Variants in TNPO3 observed in about 807,000 individuals in gnomAD.
TNPO3 encodes the protein transportin-3.
TNPO3 carries 65 observed loss-of-function variants against 122.8 expected under a neutral mutation model. The observed-to-expected ratio is 0.53, with a 90% CI of 0.43 to 0.65. TNPO3 has a LOEUF of 0.65. Among genes scored for constraint, TNPO3 ranks in the 30% least tolerant of loss-of-function variants. TNPO3 has a pLI of 0.00. For synonymous variants in TNPO3, 372 were observed against 411.2 expected (o/e 0.90, Z 1.15); for missense variants, 850 against 1,136.7 (o/e 0.75, Z 3.63).
chr7:129,054,592 G>C, intron 1 of TNPO3, 59 bp downstream of exon 1: 2 of 1,603,244 alleles, frequency 1.2e-6, no homozygotes, highest in Non-Finnish European at 1.7e-6. Flanking sequence ...CTCCCCCGGA[G>C]CCTAGGTTCC....
Position 128,995,900 on chromosome 7 carries a change from C to T in TNPO3, c.1158+1489G>A, listed in dbSNP as rs187819875. Reference sequence around the variant, plus strand: ...TTTTAGTAGAGACGGGGTTTTGCCACGTTGGCCAGGCCGGTCTCAAATTCC... The same window carrying T: ...TTTTAGTAGAGACGGGGTTTTGCCATGTTGGCCAGGCCGGTCTCAAATTCC... On this transcript the variant is annotated intron_variant, in intron 8 of 22. Coordinates refer to ENST00000265388, the MANE Select transcript of TNPO3 (RefSeq NM_012470.4). 2.2e-3 allele frequency among the ~76,000 whole-genome samples: 342 copies of T among 152,210 alleles called. 1 individual carries two copies. The highest frequency in any genetic ancestry group is 3.6e-3 in the Non-Finnish European group (242 of 68,016).
At chr7:129,023,073 T>G (rs1436919356) in intron 1 of TNPO3, among the ~76,000 whole-genome samples, 1 of 152,150 alleles carries the variant, frequency 6.6e-6, no homozygotes, top group African/African-American at 2.4e-5. Flanking sequence ...ATACTGATAG[T>G]AGTAGTGTTA....
intron 21 of TNPO3, among the ~76,000 whole-genome samples, chr7:128,963,104 A>C (rs1359078131): frequency 2.6e-5 from 4 of 152,194 alleles, no homozygotes; most frequent in Non-Finnish European, 1.5e-5. Context: ...AGGAGAAAGG[A>C]GTTAACATTC....
chr7:128,955,929 T>G (rs1432083064), intron 22 of TNPO3, among the ~76,000 whole-genome samples: 1 of 152,236 alleles, frequency 6.6e-6, no homozygotes, highest in African/African-American at 2.4e-5. Flanking sequence ...TTAAACATTG[T>G]TGAACCTCAA....
rs1161365253 is a variant in TNPO3, at chr7:128,995,658, T to C, written c.1158+1731A>G. Among the ~76,000 whole-genome samples, 3 of 152,150 alleles carry C rather than the reference T, an allele frequency of 2.0e-5. No individual in the cohort carries two copies. The East Asian group carries it at 5.8e-4, about 29-fold the overall frequency. The stretch of plus-strand genomic sequence containing the variant: ...AACCAAAGGGGCCCTGCTTTATAAA[T>C]CAGGCTTCCAAGTAAAATGTGGTTG... On this transcript the variant is annotated intron_variant, in intron 8 of 22. Coordinates refer to ENST00000265388, the MANE Select transcript of TNPO3 (RefSeq NM_012470.4).
At position 128,974,653 on chromosome 7, in the gene TNPO3, G is replaced by A. The variant is rs529029042; in HGVS notation, c.2273+215C>T. Among the ~76,000 whole-genome samples the A allele has an allele frequency of 2.6e-5, 4 of 152,180 alleles. No individual in the cohort carries two copies. The South Asian group carries it at 8.3e-4, about 32-fold the overall frequency. On this transcript the variant is annotated intron_variant, in intron 18 of 22. Coordinates refer to ENST00000265388, the MANE Select transcript of TNPO3 (RefSeq NM_012470.4). The stretch of plus-strand genomic sequence containing the variant: ...GTCTTGTGTGTGAGCCCTCCTTCCT[G>A]GCAGGAACTCAGCTCCTTTATCCCT...
In TNPO3 at chr7:128,986,742, C is replaced by T. The variant is rs1400336917; in HGVS notation, c.1677G>A (p.Val559=). The change falls in exon 12 of 23, where the codon GTG becomes GTA. Residue 559 remains valine, a synonymous_variant. Transcript: ENST00000265388. The part of the protein sequence containing the change: ...DSFLLSPEAA[V]GLLKGTALVL... The stretch of plus-strand genomic sequence containing the variant: ...TCAAGTGAGTACCTTTTAGCAAGCC[C>T]ACAGCAGCTTCTGGAGACAACAGGA... The T allele has an allele frequency of 1.2e-6, 2 of 1,612,564 alleles. No homozygotes were observed. The highest frequency in any genetic ancestry group is 1.1e-5 in the South Asian group (1 of 90,816).
intron 14 of TNPO3, 47 bp from the exon 15 acceptor site, chr7:128,980,078 C>T (rs2129004749): frequency 6.5e-7 from 1 of 1,547,486 alleles, no homozygotes. Flanking sequence ...ACCAATTTCA[C>T]TGAGGACCCA....
chr7:128,958,039 T>C (rs2128975706), intron 21 of TNPO3, among the ~76,000 whole-genome samples: 1 of 152,110 alleles, frequency 6.6e-6, no homozygotes, highest in South Asian at 2.1e-4. Flanking sequence ...AACCAGCTGA[T>C]GCCAGCTTCA....
At chr7:128,999,558 G>C (rs1184799818) in intron 7 of TNPO3, among the ~76,000 whole-genome samples, 7 of 151,740 alleles carry the variant, frequency 4.6e-5, no homozygotes, top group Admixed American at 2.6e-4. Context: ...TCCCATCAAG[G>C]ATCCAAAACA....
chr7:128,992,503 A>T (rs1269011396), intron 9 of TNPO3, among the ~76,000 whole-genome samples: 1 of 152,140 alleles, frequency 6.6e-6, no homozygotes, highest in Non-Finnish European at 1.5e-5. Flanking sequence ...CTGCATCAAC[A>T]CTGGTAGTAC....
chr7:128,989,632 T>C (rs1200573699), intron 11 of TNPO3, among the ~76,000 whole-genome samples: 1 of 152,186 alleles, frequency 6.6e-6, no homozygotes, highest in African/African-American at 2.4e-5. Flanking sequence ...GCTTCTAGTA[T>C]GTTAAAATTG....
Position 128,982,235 on chromosome 7 carries a change from T to G in TNPO3, c.1859+13A>C, listed in dbSNP as rs1290226480. 6.2e-7 allele frequency: 1 copy of G among 1,609,862 alleles called. No individual in the cohort carries two copies. Among genetic ancestry groups the G allele is most frequent in the Non-Finnish European group, 8.5e-7 (1 of 1,176,914 alleles). The stretch of plus-strand genomic sequence containing the variant: ...TTTAACCCAAGTAAGGCATCCAGAG[T>G]CTCCTTTCTTACCTAAATATCACTG... On this transcript the variant is annotated intron_variant, in intron 14 of 22. Coordinates refer to ENST00000265388, the MANE Select transcript of TNPO3 (RefSeq NM_012470.4).
At chr7:129,033,906 C>CAAAAAAAAAAAAAAAA (rs776103730) in intron 1 of TNPO3, among the ~76,000 whole-genome samples, 1 of 72,476 alleles carries the variant, frequency 1.4e-5, no homozygotes, top group Non-Finnish European at 2.8e-5. Flanking sequence ...GAGCTAAACT[C>CAAAAAAAAAAAAAAAA]AAAAAAAAAA....
intron 4 of TNPO3, among the ~76,000 whole-genome samples, chr7:129,014,063 CAG>C (rs1803546735): frequency 6.6e-6 from 1 of 152,140 alleles, no homozygotes; most frequent in Admixed American, 6.5e-5. Flanking sequence ...CACAGCAAAA[CAG>C]AGTGACTATA....
intron 1 of TNPO3, among the ~76,000 whole-genome samples, chr7:129,046,779 C>T (rs892395803): frequency 5.9e-5 from 9 of 152,104 alleles, no homozygotes; most frequent in Admixed American, 1.3e-4. Flanking sequence ...AAGAGCAAAG[C>T]GACGTCTTAC....
At chr7:128,995,644 C>T (rs1234246287) in intron 8 of TNPO3, among the ~76,000 whole-genome samples, 1 of 152,160 alleles carries the variant, frequency 6.6e-6, no homozygotes, top group Non-Finnish European at 1.5e-5. Context: ...ACCAAAGGGG[C>T]CCTGCTTTAT....
intron 1 of TNPO3, among the ~76,000 whole-genome samples, chr7:129,037,340 T>C (rs1806803487): frequency 6.6e-6 from 1 of 152,160 alleles, no homozygotes; most frequent in South Asian, 2.1e-4. Context: ...GACTGAAATC[T>C]AAGGACAGAC....
chr7:129,054,596 A>G, intron 1 of TNPO3, 55 bp downstream of exon 1: 1 of 1,604,920 alleles, frequency 6.2e-7, no homozygotes, highest in African/African-American at 1.3e-5. Context: ...CCCGGAGCCT[A>G]GGTTCCACCC....
Sources: allele counts gnomAD v4.1 joint callset (sites outside exome capture counted in the v4.1 genomes callset), GRCh38; gene constraint gnomAD v4.1.1; transcripts MANE v1.5; gene names NCBI Gene and HGNC (gene_info 2026-07-23, HGNC 2026-07-21).